SPOPL: variants seen among roughly 807,000 people sequenced by gnomAD.
SPOPL encodes the protein speckle-type POZ protein-like.
SPOPL carries 23 observed loss-of-function variants against 53.8 expected under a neutral mutation model. The observed-to-expected ratio is 0.43, with a 90% confidence interval of 0.31 to 0.61. The LOEUF (loss-of-function observed/expected upper bound fraction) is 0.61. SPOPL is among the 20% of genes least tolerant of loss of function. The pLI is 0.12. For missense variants in SPOPL, 442 were observed against 466.9 expected (o/e 0.95, Z 0.49); for synonymous variants, 164 against 149.7 (o/e 1.10, Z -0.70).
chr2:138,553,572 T>A (rs1685358994), intron 5 of SPOPL, among the ~76,000 whole-genome samples: 1 of 152,158 alleles, frequency 6.6e-6, no homozygotes, highest in Admixed American at 6.5e-5. Flanking sequence ...AATAACTTCT[T>A]AACTATAAGC....
chr2:138,529,175 A>G (rs1227958006), intron 1 of SPOPL, among the ~76,000 whole-genome samples: 1 of 152,170 alleles, frequency 6.6e-6, no homozygotes, highest in Non-Finnish European at 1.5e-5. Context: ...TTGGTGAAGA[A>G]GTTTGTTAGT....
chr2:138,548,401 T>C (rs1000818016), intron 1 of SPOPL, among the ~76,000 whole-genome samples: 1 of 151,956 alleles, frequency 6.6e-6, no homozygotes, highest in African/African-American at 2.4e-5. Flanking sequence ...TTTTATACTT[T>C]TAGAAATTGG....
intron 1 of SPOPL, among the ~76,000 whole-genome samples, chr2:138,549,086 C>CT (rs1685257838): frequency 6.6e-6 from 1 of 151,934 alleles, no homozygotes; most frequent in Non-Finnish European, 1.5e-5. Flanking sequence ...TCTCCTATTT[C>CT]TTTTTTTATT....
rs552710599 is a variant in SPOPL, at chr2:138,564,005, A to G, written c.838-703A>G. ...TACTGAATGAAGGAGTCAGACAAAA[A>G]CAAACATGTAATATGTTATTTCATT... is the stretch of plus-strand genomic sequence containing the variant. On this transcript the variant is annotated intron_variant, in intron 8 of 10. Transcript: ENST00000280098. Among the ~76,000 whole-genome samples, 4 of 152,392 alleles carry G rather than the reference A, an allele frequency of 2.6e-5. No individual in the cohort carries two copies. The East Asian group carries it at 7.7e-4, about 29-fold the overall frequency.
intron 8 of SPOPL, among the ~76,000 whole-genome samples, chr2:138,561,190 C>T (rs1269227766): frequency 6.6e-6 from 1 of 151,748 alleles, no homozygotes; most frequent in African/African-American, 2.4e-5. Flanking sequence ...ATATGGACTT[C>T]CATTTAAAAG....
At chr2:138,552,417 A>G (rs1290893021) in intron 4 of SPOPL, 137 bp from the exon 5 acceptor site, 1 of 1,054,586 alleles carries the variant, frequency 9.5e-7, no homozygotes, top group African/African-American at 1.7e-5. Context: ...TTTGATTTAT[A>G]AACACAAATA....
intron 1 of SPOPL, among the ~76,000 whole-genome samples, chr2:138,539,329 A>T (rs529584077): frequency 6.6e-6 from 1 of 152,308 alleles, no homozygotes; most frequent in African/African-American, 2.4e-5. Context: ...CGCCACACTG[A>T]CTTCCACAAT....
intron 8 of SPOPL, among the ~76,000 whole-genome samples, 189 bp downstream of exon 8, chr2:138,561,116 T>G (rs538741743): frequency 3.0e-4 from 46 of 152,302 alleles, no homozygotes; most frequent in African/African-American, 1.1e-3. Context: ...GAAAGTATCT[T>G]GAGCCAGAAG....
intron 10 of SPOPL, among the ~76,000 whole-genome samples, chr2:138,568,025 A>G (rs969665393): frequency 6.6e-6 from 1 of 152,156 alleles, no homozygotes; most frequent in African/African-American, 2.4e-5. Context: ...CAAACATAAT[A>G]TGATGCTGTA....
At chr2:138,513,181 G>T (rs1684364268) in intron 1 of SPOPL, among the ~76,000 whole-genome samples, 3 of 152,246 alleles carry the variant, frequency 2.0e-5, no homozygotes, top group Non-Finnish European at 1.5e-5. Flanking sequence ...TCTTTGGGAG[G>T]CCAAGGCAGG....
chr2:138,563,961 A>G (rs539392009), intron 8 of SPOPL, among the ~76,000 whole-genome samples: 98 of 152,362 alleles, frequency 6.4e-4, no homozygotes, highest in African/African-American at 2.4e-3. Context: ...AATAACATTC[A>G]TGATTCTCAA....
At chr2:138,502,539 CT>C (rs1205405464) in intron 1 of SPOPL, among the ~76,000 whole-genome samples, 1 of 152,206 alleles carries the variant, frequency 6.6e-6, no homozygotes, top group Non-Finnish European at 1.5e-5. Context: ...GCAGCGTCCA[CT>C]TTCATACCTC....
At chr2:138,508,569 A>G (rs186442613) in intron 1 of SPOPL, among the ~76,000 whole-genome samples, 25 of 152,142 alleles carry the variant, frequency 1.6e-4, no homozygotes, top group African/African-American at 6.0e-4. Flanking sequence ...GACCTCAAGT[A>G]ATCCTCCCAC....
chr2:138,550,741 G>C, intron 3 of SPOPL, 137 bp downstream of exon 3: 2 of 1,414,612 alleles, frequency 1.4e-6, no homozygotes, highest in Non-Finnish European at 9.6e-7. Flanking sequence ...TCCTAATAGT[G>C]TGGGGAATTA....
At chr2:138,525,688 A>G (rs1430544534) in intron 1 of SPOPL, among the ~76,000 whole-genome samples, 1 of 151,720 alleles carries the variant, frequency 6.6e-6, no homozygotes. Flanking sequence ...ACAAAAAACA[A>G]TTAGCAAAGT....
intron 1 of SPOPL, among the ~76,000 whole-genome samples, chr2:138,534,769 C>G (rs981585442): frequency 6.6e-6 from 1 of 152,124 alleles, no homozygotes; most frequent in East Asian, 1.9e-4. Context: ...TACCATTTCC[C>G]CCTCCCCACA....
In SPOPL at chr2:138,559,344, AT is replaced by A. The variant is rs1204895840; in HGVS notation, c.714+8del. 1 of 1,607,522 alleles carries A rather than the reference AT, an allele frequency of 6.2e-7. No individual in the cohort carries two copies. The highest frequency in any genetic ancestry group is 1.3e-5 in the African/African-American group (1 of 74,540). On this transcript the variant is annotated splice_region_variant and intron_variant, in intron 7 of 10. Transcript: ENST00000280098. ...AATGGAAGAAAGCAAAAAGGTAAAC[AT>A]GGCTTAAAGGCTAATATTGAATTTA...
chr2:138,555,309 A>G (rs1685400937), intron 5 of SPOPL, among the ~76,000 whole-genome samples: 1 of 152,182 alleles, frequency 6.6e-6, no homozygotes, highest in South Asian at 2.1e-4. Context: ...AATTTCCAAC[A>G]TATGATCTTT....
intron 4 of SPOPL, 59 bp downstream of exon 4, chr2:138,551,113 TC>T: frequency 1.3e-6 from 2 of 1,573,312 alleles, no homozygotes; most frequent in African/African-American, 1.4e-5. Context: ...TATGACTTCT[TC>T]TGCACCTTTA....
Sources: gnomAD v4.1 joint callset for allele counts (sites outside exome capture counted in the v4.1 genomes callset) on GRCh38, gnomAD v4.1.1 for gene constraint, MANE v1.5 for transcripts, NCBI Gene and HGNC (gene_info 2026-07-23, HGNC 2026-07-21) for gene names.